Variants in BRD3 observed in about 807,000 individuals in gnomAD.
BRD3 encodes the protein bromodomain-containing protein 3.
BRD3 carries 17 observed loss-of-function variants against 66.8 expected under a neutral mutation model. That is an observed-to-expected ratio of 0.25 (90% CI 0.17 to 0.38). BRD3 has a LOEUF of 0.38. Among genes scored for constraint, BRD3 ranks in the 10% least tolerant of loss-of-function variants. The pLI, the probability that BRD3 is intolerant of heterozygous loss-of-function variation, is 1.00. For missense variants in BRD3, 713 were observed against 956.1 expected (o/e 0.75, Z 3.35); for synonymous variants, 421 against 393.2 (o/e 1.07, Z -0.84).
chr9:134,032,282 CAA>C lies in BRD3; in HGVS notation c.*1306_*1307del, dbSNP rs1843521807. The C allele has an allele frequency of 4.6e-6, 1 of 218,834 alleles. No individual in the cohort carries two copies. 13.6% of individuals were successfully genotyped at this position (218,834 alleles called of 1,614,324 possible). A position where few individuals can be genotyped will look rare whatever the true frequency, so the allele number is the denominator to read the frequency against. ...ACTATACATTTTTTCTCTCAGATTA[CAA>C]AGTTTATATTATATAACTGGGGTTC... is the stretch of plus-strand genomic sequence containing the variant. On this transcript the variant is annotated 3_prime_UTR_variant, in exon 12 of 12. Coordinates refer to ENST00000303407, the MANE Select transcript of BRD3 (RefSeq NM_007371.4).
chr9:134,034,154 A>G (rs1303104306), intron 11 of BRD3, among the ~76,000 whole-genome samples: 1 of 152,246 alleles, frequency 6.6e-6, no homozygotes, highest in African/African-American at 2.4e-5. Flanking sequence ...AACATGCTCC[A>G]GTCCAGATAG....
chr9:134,052,267 C>A (rs188885041), intron 3 of BRD3, 39 bp downstream of exon 3: 2 of 1,607,676 alleles, frequency 1.2e-6, no homozygotes, highest in Non-Finnish European at 8.5e-7. Flanking sequence ...GCGCCCCAAT[C>A]CTTACTGCAA....
At chr9:134,042,232 A>T (rs1830065559) in intron 7 of BRD3, among the ~76,000 whole-genome samples, 1 of 152,018 alleles carries the variant, frequency 6.6e-6, no homozygotes, top group African/African-American at 2.4e-5. Context: ...TCTCTAGAAG[A>T]TGCATGCATC....
chr9:134,043,617 G>A (rs535486978), intron 7 of BRD3, among the ~76,000 whole-genome samples: 31 of 152,344 alleles, frequency 2.0e-4, no homozygotes, highest in Admixed American at 1.6e-3. Context: ...TGAAGGCCAT[G>A]CAGGTCAGGT....
At chr9:134,038,657 T>C (rs1026084161) in intron 9 of BRD3, among the ~76,000 whole-genome samples, 4 of 152,100 alleles carry the variant, frequency 2.6e-5, no homozygotes, top group African/African-American at 9.7e-5. Context: ...AAGCTGGGTA[T>C]CCCAAATCCA....
intron 1 of BRD3, among the ~76,000 whole-genome samples, chr9:134,063,602 G>A (rs554330958): frequency 5.3e-5 from 8 of 152,302 alleles, no homozygotes; most frequent in Non-Finnish European, 1.0e-4. Context: ...ACCTCACACA[G>A]ATGCATCTGT....
At position 134,033,911 on chromosome 9, in the gene BRD3, A is replaced by G. The variant is rs1042767301; in HGVS notation, c.2066-206T>C. ...CTTGAGACAGGAAAAAAATGAATGCAGACTACTAACAGGAAATGATGGATG... is the reference window on the plus strand; with the variant it reads ...CTTGAGACAGGAAAAAAATGAATGCGGACTACTAACAGGAAATGATGGATG... On this transcript the variant is annotated intron_variant, in intron 11 of 11. Coordinates refer to ENST00000303407, the MANE Select transcript of BRD3 (RefSeq NM_007371.4). This position sits in a 1 kb window ranked among gnomAD's most constrained non-coding sequence, Gnocchi z 5.1. Among the ~76,000 whole-genome samples, 5 of 152,236 alleles carry G rather than the reference A, an allele frequency of 3.3e-5. No individual in the cohort carries two copies. The highest frequency in any genetic ancestry group is 1.2e-4 in the African/African-American group (5 of 41,456).
At chr9:134,035,897 T>C in intron 10 of BRD3, 135 bp downstream of exon 10, 1 of 1,249,734 alleles carries the variant, frequency 8.0e-7, no homozygotes, top group South Asian at 1.6e-5. Context: ...GCATCTGTGG[T>C]GGGACGAAGG....
At chr9:134,049,342 G>A (rs1201981711) in intron 5 of BRD3, among the ~76,000 whole-genome samples, 2 of 152,334 alleles carry the variant, frequency 1.3e-5, no homozygotes, top group East Asian at 1.9e-4. Flanking sequence ...TTAGCCCAGC[G>A]GGAGAGGAGC....
At position 134,033,371 on chromosome 9, in the gene BRD3, AAG is replaced by A. The variant is rs1843544381; in HGVS notation, c.*217_*218del. The A allele has an allele frequency of 2.2e-6, 1 of 461,754 alleles. No individual in the cohort carries two copies. Among genetic ancestry groups the A allele is most frequent in the Non-Finnish European group, 3.8e-6 (1 of 261,678 alleles). 28.6% of individuals were successfully genotyped at this position (461,754 alleles called of 1,614,324 possible). A position where few individuals can be genotyped will look rare whatever the true frequency, so the allele number is the denominator to read the frequency against. On this transcript the variant is annotated 3_prime_UTR_variant, in exon 12 of 12. Transcript: ENST00000303407. This position sits in a 1 kb window ranked among gnomAD's most constrained non-coding sequence, Gnocchi z 5.1. ...CAAGTGACTGAATTCAGTGATGAAGAAGAGACTTTCTGCAGAGTTCACACCTT... is the reference window on the plus strand; with the variant it reads ...CAAGTGACTGAATTCAGTGATGAAGAAGACTTTCTGCAGAGTTCACACCTT...
intron 3 of BRD3, among the ~76,000 whole-genome samples, 180 bp from the exon 4 acceptor site, chr9:134,051,889 GT>G (rs886259053): frequency 0.015 from 911 of 59,028 alleles, 29 homozygotes; most frequent in East Asian, 0.066. Context: ...TGTTTTTTTT[GT>G]TTTTTTTTTT....
At chr9:134,061,265 T>C (rs533987894) in intron 1 of BRD3, among the ~76,000 whole-genome samples, 2 of 152,300 alleles carry the variant, frequency 1.3e-5, no homozygotes, top group Non-Finnish European at 2.9e-5. Flanking sequence ...GGCTGGACCA[T>C]GGGGGCATCT....
intron 7 of BRD3, among the ~76,000 whole-genome samples, chr9:134,044,833 C>A (rs1177085522): frequency 6.6e-6 from 1 of 152,250 alleles, no homozygotes; most frequent in Non-Finnish European, 1.5e-5. Context: ...TTTCTCCAAT[C>A]CGCCTTTTAC....
chr9:134,053,803 C>T (rs1830355366), intron 1 of BRD3: 1 of 341,460 alleles, frequency 2.9e-6, no homozygotes, highest in African/African-American at 2.1e-5. Context: ...CCAACCACTG[C>T]TCTCAGGCAC....
Position 134,036,518 on chromosome 9 carries a change from G to A in BRD3, c.1644-194C>T, listed in dbSNP as rs1160384297. The stretch of plus-strand genomic sequence containing the variant: ...CTGCGGGGTTTCCAGCCCTTGGCCA[G>A]GAAACAATTACAGAGGTTCGTTCCT... On this transcript the variant is annotated intron_variant, in intron 9 of 11. Transcript: ENST00000303407. The A allele has an allele frequency of 1.9e-6, 3 of 1,602,990 alleles. No individual in the cohort carries two copies. The South Asian group carries it at 3.4e-5, about 18-fold the overall frequency.
At chr9:134,061,672 A>G (rs1830546549) in intron 1 of BRD3, among the ~76,000 whole-genome samples, 1 of 152,194 alleles carries the variant, frequency 6.6e-6, no homozygotes, top group Admixed American at 6.5e-5. Flanking sequence ...GTCCTGCGTC[A>G]GTGGGGGTCA....
intron 6 of BRD3, among the ~76,000 whole-genome samples, chr9:134,046,290 G>A (rs1175648486): frequency 6.6e-6 from 1 of 152,230 alleles, no homozygotes; most frequent in Non-Finnish European, 1.5e-5. Flanking sequence ...GGCAAAGAGA[G>A]GTCACGCTGT....
chr9:134,055,238 T>A lies in BRD3; in HGVS notation c.-113-1648A>T, dbSNP rs565134186. On this transcript the variant is annotated intron_variant, in intron 1 of 11. Coordinates refer to ENST00000303407, the MANE Select transcript of BRD3 (RefSeq NM_007371.4). ...CCGCCTAGCCCGCACCGCAGGGTGA[T>A]CCTGTTAAAACCAAGTCGGATCAAG... Among the ~76,000 whole-genome samples, 184 of 152,266 alleles carry A rather than the reference T, an allele frequency of 1.2e-3. 1 individual carries two copies. Among genetic ancestry groups the A allele is most frequent in the African/African-American group, 4.1e-3 (172 of 41,546 alleles).
At position 134,050,683 on chromosome 9, in the gene BRD3, G is replaced by C. The variant is rs569647918; in HGVS notation, c.500-95C>G. 2.9e-6 allele frequency: 3 copies of C among 1,023,034 alleles called. No individual in the cohort carries two copies. The African/African-American group carries it at 4.8e-5, about 16-fold the overall frequency. The allele number at this position is 1,023,034 out of a possible 1,614,324, so 63.4% of individuals were successfully genotyped here. Reference sequence around the variant, plus strand: ...CCCTCCAGCCAGAACACGGGTACCAGCTCTGTGCTGCCAAGACCGCCGGCC... The same window carrying C: ...CCCTCCAGCCAGAACACGGGTACCACCTCTGTGCTGCCAAGACCGCCGGCC... On this transcript the variant is annotated intron_variant, in intron 4 of 11. Coordinates refer to ENST00000303407, the MANE Select transcript of BRD3 (RefSeq NM_007371.4).
Sources: allele counts gnomAD v4.1 joint callset (sites outside exome capture counted in the v4.1 genomes callset), GRCh38; gene constraint gnomAD v4.1.1; non-coding constraint Gnocchi (gnomAD v3.1); transcripts MANE v1.5; gene names NCBI Gene and HGNC (gene_info 2026-07-23, HGNC 2026-07-21).